Variants in ACTN1 observed in about 807,000 individuals in gnomAD.
ACTN1 encodes actinin alpha 1.
Under a neutral mutation model 119.6 loss-of-function variants are expected in ACTN1, and 30 were observed. The observed-to-expected ratio is 0.25, with a 90% CI of 0.19 to 0.34. The LOEUF is 0.34. Among genes scored for constraint, ACTN1 ranks in the 10% least tolerant of loss-of-function variants. The pLI, the probability that ACTN1 is intolerant of heterozygous loss-of-function variation, is 1.00. For synonymous variants in ACTN1, 429 were observed against 472.6 expected (o/e 0.91, Z 1.20); for missense variants, 764 against 1,223.4 (o/e 0.62, Z 5.60).
Position 68,874,825 on chromosome 14 carries a change from G to C in ACTN1, c.*34C>G, listed in dbSNP as rs372486596. 64 of 1,529,046 alleles carry C rather than the reference G, an allele frequency of 4.2e-5. No homozygotes were observed. The highest frequency in any genetic ancestry group is 5.3e-5 in the Non-Finnish European group (60 of 1,132,734). 94.7% of individuals were successfully genotyped at this position (1,529,046 alleles called of 1,614,324 possible). A position where few individuals can be genotyped will look rare whatever the true frequency, so the allele number is the denominator to read the frequency against. On this transcript the variant is annotated 3_prime_UTR_variant, in exon 22 of 22. Transcript: ENST00000394419. ...ACGGCGGAGGTGCAAGGCAGGGCAC[G>C]GCGCACAAGACGAGGGCGGCCGGGC...
Position 68,879,855 on chromosome 14 carries a change from T to A in ACTN1, c.2280+107A>T. The A allele has an allele frequency of 6.8e-7, 1 of 1,478,830 alleles. No individual in the cohort carries two copies. The highest frequency in any genetic ancestry group is 2.3e-5 in the East Asian group (1 of 42,902). The allele number at this position is 1,478,830 out of a possible 1,614,324, so 91.6% of individuals were successfully genotyped here. On this transcript the variant is annotated intron_variant, in intron 18 of 21. Coordinates refer to ENST00000394419, the MANE Select transcript of ACTN1 (RefSeq NM_001130004.2). The surrounding 1 kb of genome is among the most constrained non-coding windows in gnomAD (Gnocchi z 4.9). Reference sequence around the variant, plus strand: ...CAGGCTGACGGCAGTTTCCCCTTTCTCTCCCTCCTCACTTGCATGGCAGCC... The same window carrying A: ...CAGGCTGACGGCAGTTTCCCCTTTCACTCCCTCCTCACTTGCATGGCAGCC...
intron 8 of ACTN1, among the ~76,000 whole-genome samples, chr14:68,897,019 G>C (rs1487211768): frequency 6.6e-6 from 1 of 152,118 alleles, no homozygotes; most frequent in East Asian, 1.9e-4. Flanking sequence ...ATCTTGCTCT[G>C]TCACCCAGGC....
At chr14:68,887,052 A>G (rs2032077276) in intron 11 of ACTN1, 1 of 166,866 alleles carries the variant, frequency 6.0e-6, no homozygotes, top group Admixed American at 5.7e-5. Context: ...AATTCTTAAC[A>G]TACGTAATGA....
At chr14:68,898,661 G>A (rs1046462436) in intron 8 of ACTN1, among the ~76,000 whole-genome samples, 2 of 152,056 alleles carry the variant, frequency 1.3e-5, no homozygotes, top group African/African-American at 4.8e-5. Flanking sequence ...TGCCTGCTCA[G>A]CTCAAAGCAG....
chr14:68,879,746 A>G lies in ACTN1; in HGVS notation c.2280+216T>C, dbSNP rs1052321432. ...TCCTCTTTCTACCCACAGTCTGAAC[A>G]CTCTCTCCCGGAAAGCAGGGAAGCT... On this transcript the variant is annotated intron_variant, in intron 18 of 21. Transcript: ENST00000394419. This position sits in a 1 kb window ranked among gnomAD's most constrained non-coding sequence, Gnocchi z 4.9. 1 of 572,040 alleles carries G rather than the reference A, an allele frequency of 1.7e-6. No individual in the cohort carries two copies. The highest frequency in any genetic ancestry group is 3.0e-6 in the Non-Finnish European group (1 of 330,806). 35.4% of individuals were successfully genotyped at this position (572,040 alleles called of 1,614,324 possible). A position where few individuals can be genotyped will look rare whatever the true frequency, so the allele number is the denominator to read the frequency against.
chr14:68,957,194 G>A (rs772240555), intron 1 of ACTN1, among the ~76,000 whole-genome samples: 8 of 152,162 alleles, frequency 5.3e-5, no homozygotes, highest in African/African-American at 1.7e-4. Context: ...TAAGAACATC[G>A]AGCATCTATC....
At chr14:68,967,145 T>C (rs1408008619) in intron 1 of ACTN1, among the ~76,000 whole-genome samples, 1 of 152,192 alleles carries the variant, frequency 6.6e-6, no homozygotes, top group African/African-American at 2.4e-5. Context: ...CCCTGGCCCC[T>C]GTCCTCCTTC....
rs1445035977 is a variant in ACTN1, at chr14:68,885,060, AGAG to A, written c.1386-180_1386-178del. Among the ~76,000 whole-genome samples, 2 of 152,108 alleles carry A rather than the reference AGAG, an allele frequency of 1.3e-5. No homozygotes were observed. The highest frequency in any genetic ancestry group is 4.8e-5 in the African/African-American group (2 of 41,424). ...CTCCCCTCTTTCAGGAGACTGGCAG[AGAG>A]GAGACCAAAGAAGACCCCTTTCCCA... On this transcript the variant is annotated intron_variant, in intron 12 of 21. Coordinates refer to ENST00000394419, the MANE Select transcript of ACTN1 (RefSeq NM_001130004.2). The surrounding 1 kb of genome is among the most constrained non-coding windows in gnomAD (Gnocchi z 5.6).
chr14:68,897,046 A>G (rs2032930461), intron 8 of ACTN1, among the ~76,000 whole-genome samples: 1 of 152,146 alleles, frequency 6.6e-6, no homozygotes, highest in Non-Finnish European at 1.5e-5. Context: ...GCGATGGCAC[A>G]ATCTCGGCTC....
intron 8 of ACTN1, 38 bp downstream of exon 8, chr14:68,902,439 G>T: frequency 1.3e-6 from 2 of 1,532,946 alleles, no homozygotes; most frequent in Non-Finnish European, 1.8e-6. Flanking sequence ...CCAGCAGGAG[G>T]TGTGCTGGGC....
chr14:68,892,092 G>A lies in ACTN1; in HGVS notation c.1047C>T (p.Asn349=). The A allele has an allele frequency of 6.2e-7, 1 of 1,614,014 alleles. No individual in the cohort carries two copies. The highest frequency in any genetic ancestry group is 8.5e-7 in the Non-Finnish European group (1 of 1,179,992). The part of the protein sequence containing the change: ...NTLQTKLRLS[N]RPAFMPSEGR... ...CCTCAGAGGGCATGAAGGCAGGCCG[G>A]TTGCTGAGCCGCAGCTTGGTCTGCA... The change falls in exon 10 of 22, where the codon AAC becomes AAT. Residue 349 remains asparagine (N), a synonymous_variant. Transcript: ENST00000394419.
chr14:68,884,318 C>A lies in ACTN1; in HGVS notation c.1495-10G>T. ...GCAGTTTCTCGGTCCGCTGGGAGTGCCAAATAGGGTAAGGGTTAGTACAGT... is the reference window on the plus strand; with the variant it reads ...GCAGTTTCTCGGTCCGCTGGGAGTGACAAATAGGGTAAGGGTTAGTACAGT... On this transcript the variant is annotated splice_polypyrimidine_tract_variant and intron_variant, in intron 13 of 21. Coordinates refer to ENST00000394419, the MANE Select transcript of ACTN1 (RefSeq NM_001130004.2). 6.2e-7 allele frequency: 1 copy of A among 1,613,304 alleles called. No individual in the cohort carries two copies. The highest frequency in any genetic ancestry group is 8.5e-7 in the Non-Finnish European group (1 of 1,179,468).
intron 3 of ACTN1, among the ~76,000 whole-genome samples, chr14:68,913,980 T>C (rs147787741): frequency 0.016 from 2,456 of 152,264 alleles, 29 homozygotes; most frequent in Middle Eastern, 0.058. Flanking sequence ...CCCAACACTT[T>C]GGGAGGCCAA....
chr14:68,948,256 A>G (rs2036005880), intron 1 of ACTN1, among the ~76,000 whole-genome samples: 1 of 152,116 alleles, frequency 6.6e-6, no homozygotes, highest in Admixed American at 6.5e-5. Flanking sequence ...GACCCCATTT[A>G]CTCTTCACAA....
intron 3 of ACTN1, among the ~76,000 whole-genome samples, chr14:68,918,722 C>T (rs1375478310): frequency 6.7e-6 from 1 of 149,792 alleles, no homozygotes; most frequent in South Asian, 2.1e-4. Flanking sequence ...AGTGAAATCC[C>T]ATCTCTACTA....
intron 1 of ACTN1, among the ~76,000 whole-genome samples, chr14:68,966,728 C>CT (rs1466403601): frequency 1.3e-5 from 2 of 152,192 alleles, no homozygotes; most frequent in Admixed American, 6.5e-5. Flanking sequence ...CAGTGGGCTG[C>CT]TGACGTCCAA....
At chr14:68,965,588 A>C (rs947271892) in intron 1 of ACTN1, among the ~76,000 whole-genome samples, 2 of 152,234 alleles carry the variant, frequency 1.3e-5, no homozygotes, top group African/African-American at 4.8e-5. Context: ...TAGAAGGCAG[A>C]GCTAAGTTAC....
intron 2 of ACTN1, among the ~76,000 whole-genome samples, chr14:68,924,266 C>T (rs1045726030): frequency 5.3e-5 from 8 of 152,236 alleles, no homozygotes; most frequent in South Asian, 4.1e-4. Context: ...TAAAATGATA[C>T]ATTTTCTGTT....
chr14:68,950,600 C>T (rs1201418776), intron 1 of ACTN1, among the ~76,000 whole-genome samples: 4 of 149,426 alleles, frequency 2.7e-5, no homozygotes, highest in South Asian at 2.1e-4. Context: ...CTCACTCTGT[C>T]GCCCAGTCTG....
Sources: allele counts gnomAD v4.1 joint callset (sites outside exome capture counted in the v4.1 genomes callset), GRCh38; gene constraint gnomAD v4.1.1; non-coding constraint Gnocchi (gnomAD v3.1); transcripts MANE v1.5; gene names NCBI Gene and HGNC (gene_info 2026-07-23, HGNC 2026-07-21).